TMCC1: variants seen among roughly 807,000 people sequenced by gnomAD.
TMCC1 encodes the protein transmembrane and coiled-coil domains protein 1.
TMCC1 carries 15 observed loss-of-function variants against 52.4 expected under a neutral mutation model. The observed-to-expected ratio is 0.29, with a 90% confidence interval of 0.19 to 0.44. TMCC1 has a LOEUF of 0.44. Among genes scored for constraint, TMCC1 ranks in the 20% least tolerant of loss-of-function variants. TMCC1 has a pLI of 1.00. For missense variants in TMCC1, 503 were observed against 806.0 expected, an observed-to-expected ratio of 0.62 and a Z score of 4.55; for synonymous variants, 279 against 301.9, an observed-to-expected ratio of 0.92 and a Z score of 0.79.
At chr3:129,805,124 A>T (rs554298760) in intron 4 of TMCC1, among the ~76,000 whole-genome samples, 1 of 152,256 alleles carries the variant, frequency 6.6e-6, no homozygotes, top group African/African-American at 2.4e-5. Flanking sequence ...AATTAAGAAG[A>T]CTAAGCCTTA....
At chr3:129,713,329 C>T (rs1206784378) in intron 4 of TMCC1, among the ~76,000 whole-genome samples, 1 of 152,084 alleles carries the variant, frequency 6.6e-6, no homozygotes, top group African/African-American at 2.4e-5. Flanking sequence ...ATGATGCCAG[C>T]AATTTGCCAC....
intron 4 of TMCC1, among the ~76,000 whole-genome samples, chr3:129,817,966 C>T (rs767810404): frequency 9.9e-5 from 15 of 152,250 alleles, no homozygotes; most frequent in African/African-American, 2.6e-4. Context: ...ACATGTGCCA[C>T]GCCCGGTTAA....
chr3:129,715,538 T>TCAAACAAA (rs375839955), intron 4 of TMCC1, among the ~76,000 whole-genome samples: 1 of 152,162 alleles, frequency 6.6e-6, no homozygotes, highest in African/African-American at 2.4e-5. Context: ...AGACTCCATC[T>TCAAACAAA]CAAACAAACA....
intron 2 of TMCC1, among the ~76,000 whole-genome samples, chr3:129,861,241 C>G (rs2060382469): frequency 6.6e-6 from 1 of 152,086 alleles, no homozygotes; most frequent in East Asian, 1.9e-4. Flanking sequence ...GAGATCAAGA[C>G]CATCCTGGCC....
intron 5 of TMCC1, among the ~76,000 whole-genome samples, chr3:129,658,838 G>C (rs916219360): frequency 2.0e-5 from 3 of 152,136 alleles, no homozygotes; most frequent in East Asian, 3.8e-4. Flanking sequence ...GAACTAAGGA[G>C]TAAGTCTTAC....
intron 2 of TMCC1, among the ~76,000 whole-genome samples, chr3:129,842,610 T>C (rs1318474440): frequency 6.6e-6 from 1 of 152,194 alleles, no homozygotes; most frequent in African/African-American, 2.4e-5. Flanking sequence ...ATACATTCTT[T>C]TCAAGTACAC....
intron 4 of TMCC1, among the ~76,000 whole-genome samples, chr3:129,748,718 TC>T (rs1280110590): frequency 2.0e-5 from 3 of 151,906 alleles, no homozygotes; most frequent in African/African-American, 7.3e-5. Context: ...AATTTCAATT[TC>T]GGGCCAGCTG....
intron 4 of TMCC1, among the ~76,000 whole-genome samples, chr3:129,736,520 TTTTC>T (rs1369183187): frequency 1.3e-5 from 2 of 149,654 alleles, no homozygotes; most frequent in Non-Finnish European, 3.0e-5. Flanking sequence ...TATTATTTTC[TTTTC>T]TTTTTTTTTT....
Position 129,651,458 on chromosome 3 carries a change from G to A in TMCC1, c.*23C>T. ...CTGCATGCACTCGCCAGAGGGTAGG[G>A]AACAATGCCTTCTGTGCCAGCATCA... On this transcript the variant is annotated 3_prime_UTR_variant, in exon 7 of 7. Transcript: ENST00000393238. This position sits in a 1 kb window ranked among gnomAD's most constrained non-coding sequence, Gnocchi z 5.1. 6.2e-7 allele frequency: 1 copy of A among 1,605,626 alleles called. No homozygotes were observed. Among genetic ancestry groups the A allele is most frequent in the African/African-American group, 1.3e-5 (1 of 74,890 alleles).
chr3:129,760,480 G>GTGTGTA (rs2053460677), intron 4 of TMCC1, among the ~76,000 whole-genome samples: 1 of 151,006 alleles, frequency 6.6e-6, no homozygotes, highest in Non-Finnish European at 1.5e-5. Flanking sequence ...GTGTGTGTGT[G>GTGTGTA]TGTGTGTGTG....
intron 4 of TMCC1, among the ~76,000 whole-genome samples, chr3:129,770,806 C>T (rs1462968390): frequency 6.6e-6 from 1 of 152,126 alleles, no homozygotes; most frequent in Non-Finnish European, 1.5e-5. Context: ...TTCAGGGATA[C>T]TGCACAAATT....
intron 4 of TMCC1, among the ~76,000 whole-genome samples, chr3:129,813,636 C>A (rs2057945027): frequency 6.6e-6 from 1 of 151,956 alleles, no homozygotes; most frequent in Non-Finnish European, 1.5e-5. Flanking sequence ...GACACCAGGG[C>A]CTACTTGAGG....
intron 2 of TMCC1, among the ~76,000 whole-genome samples, chr3:129,835,634 T>C (rs910947640): frequency 1.3e-5 from 2 of 152,188 alleles, no homozygotes; most frequent in Non-Finnish European, 2.9e-5. Flanking sequence ...ATCTGCAATA[T>C]GTTTTTAAAA....
At chr3:129,880,951 C>A (rs938107739) in intron 1 of TMCC1, among the ~76,000 whole-genome samples, 8 of 151,378 alleles carry the variant, frequency 5.3e-5, no homozygotes, top group Admixed American at 6.6e-5. Context: ...GCAACCTCCA[C>A]CTCCCAGGTT....
rs2058236784 is a variant in TMCC1, at chr3:129,818,512, TAAAGA to T, written c.576+9286_576+9290del. ...TAAAGAAAAGTTTTAAAGAAACTTT[TAAAGA>T]AAAGTTTTAAAGAAACTTTTAAAGA... On this transcript the variant is annotated intron_variant, in intron 4 of 6. Coordinates refer to ENST00000393238, the MANE Select transcript of TMCC1 (RefSeq NM_001017395.5). 4.2e-4 allele frequency among the ~76,000 whole-genome samples: 3 copies of T among 7,204 alleles called. No individual in the cohort carries two copies. The South Asian group carries it at 0.014, about 34-fold the overall frequency. The allele number at this position is 7,204 out of a possible 152,430, so 4.7% of individuals were successfully genotyped here. A position where few individuals can be genotyped will look rare whatever the true frequency, so the allele number is the denominator to read the frequency against.
intron 4 of TMCC1, among the ~76,000 whole-genome samples, chr3:129,730,788 G>A (rs1029012065): frequency 2.6e-5 from 4 of 152,064 alleles, no homozygotes; most frequent in African/African-American, 7.3e-5. Context: ...TACATGAAGC[G>A]GACCAAATTC....
chr3:129,737,400 A>C (rs2051064678), intron 4 of TMCC1, among the ~76,000 whole-genome samples: 2 of 152,028 alleles, frequency 1.3e-5, no homozygotes, highest in African/African-American at 4.8e-5. Context: ...GAATTGCTTG[A>C]ACCCAGGAAG....
chr3:129,729,821 G>T (rs1475634237), intron 4 of TMCC1, among the ~76,000 whole-genome samples: 1 of 150,738 alleles, frequency 6.6e-6, no homozygotes, highest in Non-Finnish European at 1.5e-5. Context: ...TTCATAAAAA[G>T]GAATGAGGCC....
intron 4 of TMCC1, among the ~76,000 whole-genome samples, chr3:129,694,652 C>T (rs2047266510): frequency 6.6e-6 from 1 of 152,202 alleles, no homozygotes; most frequent in Non-Finnish European, 1.5e-5. Flanking sequence ...TACACTCCCA[C>T]CATTAGCTCC....
Sources: allele counts gnomAD v4.1 joint callset (sites outside exome capture counted in the v4.1 genomes callset), GRCh38; gene constraint gnomAD v4.1.1; non-coding constraint Gnocchi (gnomAD v3.1); transcripts MANE v1.5; gene names NCBI Gene and HGNC (gene_info 2026-07-23, HGNC 2026-07-21).